The following HCN1 variants were observed in gnomAD, a reference collection of about 807,000 sequenced individuals.
HCN1 encodes potassium/sodium hyperpolarization-activated cyclic nucleotide-gated channel 1.
A neutral mutation model predicts 78.9 loss-of-function variants in HCN1; 13 were observed. That is an observed-to-expected ratio of 0.16 (90% CI 0.11 to 0.26). HCN1 has a LOEUF of 0.26. HCN1 is among the 10% of genes least tolerant of loss of function. The probability of loss-of-function intolerance (pLI) is 1.00; values close to 1 mark genes in which losing one functional copy is unlikely to be tolerated. For synonymous variants in HCN1, 552 were observed against 455.5 expected (o/e 1.21, Z -2.70); for missense variants, 810 against 1,154.3 (o/e 0.70, Z 4.32).
chr5:45,619,388 C>G (rs1276965278), intron 2 of HCN1, among the ~76,000 whole-genome samples: 1 of 152,062 alleles, frequency 6.6e-6, no homozygotes, highest in Non-Finnish European at 1.5e-5. Flanking sequence ...CACGGTGAAT[C>G]GAACATTGTG....
intron 4 of HCN1, among the ~76,000 whole-genome samples, chr5:45,384,193 G>A (rs923138273): frequency 6.6e-6 from 1 of 152,052 alleles, no homozygotes; most frequent in African/African-American, 2.4e-5. Flanking sequence ...GCAGTATTTG[G>A]TGTTTAGTAA....
At chr5:45,486,039 G>A (rs551080396) in intron 2 of HCN1, among the ~76,000 whole-genome samples, 45 of 152,262 alleles carry the variant, frequency 3.0e-4, no homozygotes, top group Admixed American at 7.2e-4. Context: ...TACAGAATTT[G>A]AGTAAATTGC....
At chr5:45,592,721 C>G (rs949547955) in intron 2 of HCN1, among the ~76,000 whole-genome samples, 1 of 152,044 alleles carries the variant, frequency 6.6e-6, no homozygotes, top group Admixed American at 6.6e-5. Flanking sequence ...TCCAAACCAT[C>G]AATTATTTGA....
At chr5:45,423,782 T>C (rs1297714152) in intron 3 of HCN1, among the ~76,000 whole-genome samples, 2 of 152,292 alleles carry the variant, frequency 1.3e-5, no homozygotes, top group South Asian at 4.1e-4. Flanking sequence ...ATAAAGAGTT[T>C]CCAAACATCT....
chr5:45,425,803 C>T (rs113254215), intron 3 of HCN1, among the ~76,000 whole-genome samples: 40 of 152,120 alleles, frequency 2.6e-4, no homozygotes, highest in African/African-American at 8.7e-4. Context: ...GAGTGTGATA[C>T]GGAATCAAGT....
intron 1 of HCN1, among the ~76,000 whole-genome samples, chr5:45,681,508 G>A (rs1391398316): frequency 1.3e-5 from 2 of 151,662 alleles, no homozygotes; most frequent in African/African-American, 2.4e-5. Flanking sequence ...CACTCAGGAC[G>A]TTTTTCACTG....
chr5:45,562,993 G>C (rs1044629254), intron 2 of HCN1, among the ~76,000 whole-genome samples: 6 of 152,162 alleles, frequency 3.9e-5, no homozygotes, highest in Non-Finnish European at 7.4e-5. Flanking sequence ...ATTCTGTACT[G>C]AAACATAGTT....
At chr5:45,305,382 T>C (rs1211796194) in intron 5 of HCN1, among the ~76,000 whole-genome samples, 1 of 152,160 alleles carries the variant, frequency 6.6e-6, no homozygotes, top group Non-Finnish European at 1.5e-5. Flanking sequence ...AGCACAACAA[T>C]GTCTGTAATA....
chr5:45,374,708 T>G (rs533952911), intron 4 of HCN1, among the ~76,000 whole-genome samples: 2 of 150,142 alleles, frequency 1.3e-5, no homozygotes, highest in African/African-American at 4.9e-5. Context: ...AAACTTCAGG[T>G]AAATATGCTT....
At position 45,542,291 on chromosome 5, in the gene HCN1, T is replaced by G. The variant is rs569525880; in HGVS notation, c.850-80284A>C. On this transcript the variant is annotated intron_variant, in intron 2 of 7. Coordinates refer to ENST00000303230, the MANE Select transcript of HCN1 (RefSeq NM_021072.4). ...TAGTTTTATTCTATAGTATTCATAA[T>G]GCTCCAAACTCATTTTTGCAATTTC... Among the ~76,000 whole-genome samples the G allele has an allele frequency of 5.9e-5, 9 of 152,274 alleles. No individual in the cohort carries two copies. In the East Asian group the frequency reaches 1.7e-3, roughly 29 times the overall value.
chr5:45,404,416 C>T (rs1311391032), intron 3 of HCN1, among the ~76,000 whole-genome samples: 1 of 151,684 alleles, frequency 6.6e-6, no homozygotes, highest in Non-Finnish European at 1.5e-5. Flanking sequence ...AATGTACCAA[C>T]AAATTGTTCC....
At position 45,261,938 on chromosome 5, in the gene HCN1, A is replaced by C. The variant is rs200667279; in HGVS notation, c.2656T>G (p.Phe886Val). 6.2e-7 allele frequency: 1 copy of C among 1,613,932 alleles called. No individual in the cohort carries two copies. The change falls in exon 8 of 8, where the codon TTT (phenylalanine) becomes GTT (valine). Residue 886 changes from phenylalanine to valine, a missense_variant. Phe to Val is a conservative substitution (Grantham distance 50, BLOSUM62 -1). This residue lies in a region of HCN1 where 398 missense variants were observed against 381.3 expected (regional missense o/e 1.04). Coordinates refer to ENST00000303230, the MANE Select transcript of HCN1 (RefSeq NM_021072.4). Reference protein sequence around the residue: ...NTDPDAEKPRFASNL With the variant: ...NTDPDAEKPRVASNL Reference sequence around the variant, plus strand: ...AGCAGGGATCATAAATTTGAAGCAAATCGTGGCTTTTCTGCGTCTGGGTCT... The same window carrying C: ...AGCAGGGATCATAAATTTGAAGCAACTCGTGGCTTTTCTGCGTCTGGGTCT...
At chr5:45,452,927 A>C (rs562328949) in intron 3 of HCN1, among the ~76,000 whole-genome samples, 2 of 152,142 alleles carry the variant, frequency 1.3e-5, no homozygotes, top group South Asian at 4.1e-4. Flanking sequence ...TCTTTCTTAT[A>C]TCCCGCATTT....
chr5:45,309,199 AT>A (rs1399298756), intron 5 of HCN1, among the ~76,000 whole-genome samples: 1 of 152,068 alleles, frequency 6.6e-6, no homozygotes, highest in Non-Finnish European at 1.5e-5. Context: ...TGCTGACACA[AT>A]TTTTGTACAT....
chr5:45,272,962 T>G (rs557371556), intron 6 of HCN1, among the ~76,000 whole-genome samples: 1 of 152,236 alleles, frequency 6.6e-6, no homozygotes, highest in South Asian at 2.1e-4. Flanking sequence ...GTTCCAGCCT[T>G]TCTGCTTTTT....
At chr5:45,343,162 C>G (rs1746620142) in intron 5 of HCN1, among the ~76,000 whole-genome samples, 1 of 152,136 alleles carries the variant, frequency 6.6e-6, no homozygotes, top group African/African-American at 2.4e-5. Context: ...TTGTAGGCCA[C>G]TTTGCAACAG....
At chr5:45,323,157 C>A (rs1746156752) in intron 5 of HCN1, among the ~76,000 whole-genome samples, 1 of 151,710 alleles carries the variant, frequency 6.6e-6, no homozygotes, top group Non-Finnish European at 1.5e-5. Flanking sequence ...ACAGGTTAAG[C>A]ATTTCTGAGA....
At chr5:45,320,353 A>C (rs995987663) in intron 5 of HCN1, among the ~76,000 whole-genome samples, 2 of 151,976 alleles carry the variant, frequency 1.3e-5, no homozygotes, top group Middle Eastern at 3.4e-3. Context: ...TCAAAACAGC[A>C]GTTGGTATGT....
chr5:45,457,726 G>A (rs552977352), intron 3 of HCN1, among the ~76,000 whole-genome samples: 5 of 152,164 alleles, frequency 3.3e-5, no homozygotes, highest in Non-Finnish European at 5.9e-5. Flanking sequence ...AGGGCCTTTC[G>A]GCTGTCCCCT....
Sources: allele counts gnomAD v4.1 joint callset (sites outside exome capture counted in the v4.1 genomes callset), GRCh38; gene constraint gnomAD v4.1.1; regional missense constraint gnomAD v4.1.1; transcripts MANE v1.5; gene names NCBI Gene and HGNC (gene_info 2026-07-23, HGNC 2026-07-21).